XRCC4: variants seen among roughly 807,000 people sequenced by gnomAD.
The protein encoded by XRCC4 is DNA repair protein XRCC4.
In XRCC4, 28 loss-of-function variants were observed where a neutral mutation model predicts 39.1. The observed-to-expected ratio is 0.72, with a 90% CI of 0.53 to 0.98. The LOEUF (loss-of-function observed/expected upper bound fraction) is 0.98. XRCC4 is among the 50% of genes least tolerant of loss of function. XRCC4 has a pLI of 0.00. For missense variants in XRCC4, 350 were observed against 376.4 expected, an observed-to-expected ratio of 0.93 and a Z score of 0.58; for synonymous variants, 123 against 126.4, an observed-to-expected ratio of 0.97 and a Z score of 0.18.
At chr5:83,283,050 CA>C (rs199980796) in intron 7 of XRCC4, among the ~76,000 whole-genome samples, 7,637 of 58,174 alleles carry the variant, frequency 0.13, 593 homozygotes, top group East Asian at 0.53. Flanking sequence ...ATAGCCAGAC[CA>C]AAAAAAAAAA....
intron 3 of XRCC4, among the ~76,000 whole-genome samples, chr5:83,113,944 A>C (rs1484841692): frequency 6.6e-6 from 1 of 152,104 alleles, no homozygotes; most frequent in Non-Finnish European, 1.5e-5. Flanking sequence ...TCTATACATC[A>C]TCTGAAATCT....
chr5:83,186,380 C>T (rs1750439411), intron 3 of XRCC4, among the ~76,000 whole-genome samples: 1 of 152,100 alleles, frequency 6.6e-6, no homozygotes, highest in African/African-American at 2.4e-5. Context: ...TAGTGGTTTC[C>T]TTGTCCCATC....
chr5:83,181,721 G>C (rs28360105), intron 3 of XRCC4, among the ~76,000 whole-genome samples: 1 of 152,080 alleles, frequency 6.6e-6, no homozygotes, highest in Non-Finnish European at 1.5e-5. Context: ...ACAGGAAGAG[G>C]CTACCACACC....
intron 7 of XRCC4, among the ~76,000 whole-genome samples, chr5:83,275,581 C>T (rs1000485891): frequency 1.3e-5 from 2 of 152,178 alleles, no homozygotes; most frequent in East Asian, 1.9e-4. Context: ...AGGCGTGAGC[C>T]ACCGCGCCCG....
At chr5:83,271,789 A>G (rs1049945983) in intron 7 of XRCC4, among the ~76,000 whole-genome samples, 6 of 152,178 alleles carry the variant, frequency 3.9e-5, no homozygotes, top group African/African-American at 1.4e-4. Context: ...ATTCTAGTCC[A>G]GCATATGCCC....
intron 7 of XRCC4, among the ~76,000 whole-genome samples, chr5:83,314,473 G>C (rs1013285158): frequency 6.6e-6 from 1 of 152,144 alleles, no homozygotes; most frequent in African/African-American, 2.4e-5. Flanking sequence ...TCAATAGGCA[G>C]TGTTATTTAA....
At chr5:83,293,016 C>A (rs1328711353) in intron 7 of XRCC4, among the ~76,000 whole-genome samples, 8 of 151,846 alleles carry the variant, frequency 5.3e-5, no homozygotes, top group African/African-American at 1.9e-4. Context: ...TTATTATAGA[C>A]CTTTTTTTTA....
chr5:83,309,971 T>G (rs1374243554), intron 7 of XRCC4, among the ~76,000 whole-genome samples: 1 of 152,164 alleles, frequency 6.6e-6, no homozygotes, highest in Non-Finnish European at 1.5e-5. Context: ...TGCTTAATAG[T>G]ATACATTTTC....
chr5:83,301,887 A>G (rs1755296815), intron 7 of XRCC4, among the ~76,000 whole-genome samples: 1 of 152,018 alleles, frequency 6.6e-6, no homozygotes, highest in Admixed American at 6.5e-5. Flanking sequence ...ATGGTTGTAG[A>G]TACGTGGTGT....
At chr5:83,314,047 ATTT>A (rs1755798225) in intron 7 of XRCC4, among the ~76,000 whole-genome samples, 2 of 152,044 alleles carry the variant, frequency 1.3e-5, no homozygotes, top group African/African-American at 4.8e-5. Context: ...TTTTATTATT[ATTT>A]AATCTCATTC....
intron 7 of XRCC4, among the ~76,000 whole-genome samples, chr5:83,293,893 A>T (rs1755008783): frequency 6.6e-6 from 1 of 152,082 alleles, no homozygotes; most frequent in South Asian, 2.1e-4. Context: ...TTTTAAATTA[A>T]AACTATAAAA....
intron 7 of XRCC4, among the ~76,000 whole-genome samples, chr5:83,329,331 A>C (rs1240914047): frequency 6.6e-6 from 1 of 152,120 alleles, no homozygotes; most frequent in African/African-American, 2.4e-5. Context: ...AAAGAACATT[A>C]TAAAGAAAAT....
intron 4 of XRCC4, among the ~76,000 whole-genome samples, chr5:83,200,602 TG>T (rs1751148478): frequency 6.6e-6 from 1 of 150,482 alleles, no homozygotes; most frequent in Admixed American, 6.7e-5. Context: ...GCTTGTTAGT[TG>T]TTAAGTACAC....
At chr5:83,218,716 A>G (rs764486557) in intron 6 of XRCC4, among the ~76,000 whole-genome samples, 33 of 152,118 alleles carry the variant, frequency 2.2e-4, no homozygotes, top group Non-Finnish European at 4.0e-4. Flanking sequence ...GTCTGTTGGC[A>G]TAACTAATGT....
In XRCC4 at chr5:83,093,138, A is replaced by G. The variant is rs549548814; in HGVS notation, c.-10-11772A>G. Among the ~76,000 whole-genome samples, 12 of 152,206 alleles carry G rather than the reference A, an allele frequency of 7.9e-5. No homozygotes were observed. The South Asian group carries it at 2.5e-3, about 32-fold the overall frequency. On this transcript the variant is annotated intron_variant, in intron 1 of 7. Coordinates refer to ENST00000396027, the MANE Select transcript of XRCC4 (RefSeq NM_003401.5). ...GAAATGGAAAAAGATATTCTACACA[A>G]ATGGTAACCAAAAATCAGCAGAAGT...
chr5:83,350,246 C>A (rs1561487682), intron 7 of XRCC4, among the ~76,000 whole-genome samples: 1 of 152,028 alleles, frequency 6.6e-6, no homozygotes, highest in Non-Finnish European at 1.5e-5. Context: ...GTCTTTTTGG[C>A]AGAACACTTT....
intron 3 of XRCC4, among the ~76,000 whole-genome samples, chr5:83,125,408 G>A (rs1747210339): frequency 1.3e-5 from 2 of 152,154 alleles, no homozygotes; most frequent in African/African-American, 4.8e-5. Context: ...AGGTTTTGTA[G>A]TTCTGTATTT....
intron 7 of XRCC4, among the ~76,000 whole-genome samples, chr5:83,296,781 A>G (rs1755109254): frequency 6.6e-6 from 1 of 152,000 alleles, no homozygotes; most frequent in African/African-American, 2.4e-5. Context: ...AAAAGTAAGT[A>G]ATATTAGTAA....
chr5:83,355,581 T>G (rs1757181165), downstream of XRCC4, among the ~76,000 whole-genome samples: 1 of 152,238 alleles, frequency 6.6e-6, no homozygotes, highest in Admixed American at 6.5e-5. Context: ...TTCAGAAAGC[T>G]CAAGTACTCT....
Sources: allele counts gnomAD v4.1 joint callset (sites outside exome capture counted in the v4.1 genomes callset), GRCh38; gene constraint gnomAD v4.1.1; transcripts MANE v1.5; gene names NCBI Gene and HGNC (gene_info 2026-07-23, HGNC 2026-07-21).